Variants in ADARB2 observed in about 807,000 individuals in gnomAD.
The protein encoded by ADARB2 is inactive double-stranded RNA-specific editase B2.
ADARB2 carries 25 observed loss-of-function variants against 62.2 expected under a neutral mutation model. The observed-to-expected ratio is 0.40, with a 90% CI of 0.29 to 0.56. The LOEUF (loss-of-function observed/expected upper bound fraction) is 0.56. Ranked by LOEUF, ADARB2 falls within the 20% of genes least tolerant of loss-of-function variation. The pLI is 0.43. For missense variants in ADARB2, 1,071 were observed against 1,077.4 expected (o/e 0.99, Z 0.08); for synonymous variants, 572 against 500.8 (o/e 1.14, Z -1.90).
intron 3 of ADARB2, among the ~76,000 whole-genome samples, chr10:1,285,744 T>C (rs934755377): frequency 3.3e-5 from 5 of 152,222 alleles, no homozygotes; most frequent in African/African-American, 1.2e-4. Flanking sequence ...GAACTTTAAA[T>C]GGGAACATTG....
chr10:1,682,264 A>G (rs1834547395), intron 1 of ADARB2, among the ~76,000 whole-genome samples: 1 of 152,192 alleles, frequency 6.6e-6, no homozygotes, highest in Non-Finnish European at 1.5e-5. Context: ...CAGCTCATCC[A>G]CAAGCTCAGA....
intron 1 of ADARB2, among the ~76,000 whole-genome samples, chr10:1,457,570 G>A (rs950789242): frequency 1.3e-5 from 2 of 152,172 alleles, no homozygotes; most frequent in African/African-American, 4.8e-5. Context: ...AGAAAGTTAC[G>A]CTTCAGAGCT....
rs376967105 is a variant in ADARB2 at position 1,566,063 on chromosome 10, CAAAAAAAAAAAAAAAAAAAAAAAA to C, written c.100+170964_100+170987del. ...CTCCTCTAGGTTGAGCTCAGTCTAG[CAAAAAAAAAAAAAAAAAAAAAAAA>C]AAAAAAAAAAAAAAAAAAAAAAACT... On this transcript the variant is annotated intron_variant, in intron 1 of 9. Transcript: ENST00000381312. Among the ~76,000 whole-genome samples, 100 of 128,058 alleles carry C rather than the reference CAAAAAAAAAAAAAAAAAAAAAAAA, an allele frequency of 7.8e-4. 1 individual carries two copies. The highest frequency in any genetic ancestry group is 2.9e-3 in the African/African-American group (96 of 33,434). 84.0% of individuals were successfully genotyped at this position (128,058 alleles called of 152,430 possible). A position where few individuals can be genotyped will look rare whatever the true frequency, so the allele number is the denominator to read the frequency against.
At chr10:1,653,779 A>G (rs181466938) in intron 1 of ADARB2, among the ~76,000 whole-genome samples, 2 of 152,366 alleles carry the variant, frequency 1.3e-5, no homozygotes, top group Admixed American at 6.5e-5. Flanking sequence ...TAGACCCTCA[A>G]TAAATGAGTA....
intron 1 of ADARB2, among the ~76,000 whole-genome samples, chr10:1,717,378 G>T (rs550929163): frequency 6.6e-6 from 1 of 151,688 alleles, no homozygotes; most frequent in South Asian, 2.1e-4. Context: ...AGAGCCGCAG[G>T]TCTGAACCTC....
chr10:1,437,589 C>G (rs896214224), intron 1 of ADARB2, among the ~76,000 whole-genome samples: 7 of 152,158 alleles, frequency 4.6e-5, no homozygotes, highest in Admixed American at 3.9e-4. Flanking sequence ...AGTTGAGTGA[C>G]TCACCTGAGC....
At chr10:1,557,441 C>T (rs544375445) in intron 1 of ADARB2, among the ~76,000 whole-genome samples, 78 of 152,274 alleles carry the variant, frequency 5.1e-4, no homozygotes, top group Non-Finnish European at 7.4e-4. Flanking sequence ...TTCGCAGCCA[C>T]GGTCCTCCAA....
chr10:1,636,634 C>T (rs1270313945), intron 1 of ADARB2, among the ~76,000 whole-genome samples: 2 of 151,668 alleles, frequency 1.3e-5, no homozygotes, highest in Non-Finnish European at 2.9e-5. Context: ...GGTAAGAACA[C>T]TTTGTTGATA....
intron 1 of ADARB2, among the ~76,000 whole-genome samples, chr10:1,661,326 G>T (rs1178844031): frequency 2.6e-5 from 4 of 152,154 alleles, no homozygotes; most frequent in Non-Finnish European, 5.9e-5. Flanking sequence ...TAGAGGGAGG[G>T]TGGGTTTCCA....
intron 1 of ADARB2, among the ~76,000 whole-genome samples, chr10:1,456,655 G>T (rs527631415): frequency 6.6e-6 from 1 of 152,296 alleles, no homozygotes; most frequent in East Asian, 1.9e-4. Context: ...TGCTCGAGAC[G>T]CGCGGGGCGT....
intron 1 of ADARB2, among the ~76,000 whole-genome samples, chr10:1,710,170 C>T (rs1208022600): frequency 2.0e-5 from 3 of 152,136 alleles, no homozygotes; most frequent in Non-Finnish European, 4.4e-5. Flanking sequence ...CTAGTTATTA[C>T]AGCTTCTCAC....
intron 4 of ADARB2, among the ~76,000 whole-genome samples, chr10:1,247,929 A>G (rs1205860964): frequency 6.6e-6 from 1 of 152,168 alleles, no homozygotes; most frequent in African/African-American, 2.4e-5. Context: ...CTGGTTCCCC[A>G]CATGGAGATC....
chr10:1,263,196 G>A (rs1831160528), intron 4 of ADARB2, among the ~76,000 whole-genome samples: 1 of 151,868 alleles, frequency 6.6e-6, no homozygotes, highest in South Asian at 2.1e-4. Flanking sequence ...ATGAGTTACT[G>A]GGTGCAGCAC....
intron 1 of ADARB2, among the ~76,000 whole-genome samples, chr10:1,600,329 A>G (rs760951933): frequency 1.6e-4 from 25 of 152,058 alleles, no homozygotes; most frequent in Non-Finnish European, 2.4e-4. Context: ...CCCGGGTCCA[A>G]TCCTATTGTT....
intron 1 of ADARB2, among the ~76,000 whole-genome samples, chr10:1,581,884 A>G (rs1469910576): frequency 6.6e-6 from 1 of 151,048 alleles, no homozygotes; most frequent in Admixed American, 6.6e-5. Context: ...AGAGGCCAAG[A>G]TCTCAGCACG....
intron 1 of ADARB2, among the ~76,000 whole-genome samples, chr10:1,617,793 G>GCA (rs1256532276): frequency 6.6e-6 from 1 of 152,220 alleles, no homozygotes; most frequent in African/African-American, 2.4e-5. Context: ...GCTGAGCTCT[G>GCA]CATCCTGGGA....
intron 1 of ADARB2, among the ~76,000 whole-genome samples, chr10:1,628,831 G>A (rs550561486): frequency 6.6e-6 from 1 of 152,248 alleles, no homozygotes; most frequent in Non-Finnish European, 1.5e-5. Flanking sequence ...GCGGCCTCCG[G>A]CCAGGCCCTG....
chr10:1,401,437 C>A (rs2131872207), intron 1 of ADARB2, among the ~76,000 whole-genome samples: 1 of 152,310 alleles, frequency 6.6e-6, no homozygotes, highest in Non-Finnish European at 1.5e-5. Flanking sequence ...ACACGGGTAC[C>A]CCCGGTTCCA....
At chr10:1,646,034 A>G (rs1834036792) in intron 1 of ADARB2, among the ~76,000 whole-genome samples, 1 of 152,212 alleles carries the variant, frequency 6.6e-6, no homozygotes, top group Non-Finnish European at 1.5e-5. Context: ...TCCCAGGGAC[A>G]CATGAGGATG....
Sources: gnomAD v4.1 joint callset for allele counts (sites outside exome capture counted in the v4.1 genomes callset) on GRCh38, gnomAD v4.1.1 for gene constraint, MANE v1.5 for transcripts, NCBI Gene and HGNC (gene_info 2026-07-23, HGNC 2026-07-21) for gene names.